The following DACH2 variants were observed in gnomAD, a reference collection of about 807,000 sequenced individuals.
The protein encoded by DACH2 is dachshund family transcription factor 2.
A neutral mutation model predicts 35.8 loss-of-function variants in DACH2; 17 were observed. The ratio of observed to expected loss-of-function variants is 0.48; its 90% CI spans 0.33 to 0.71. The LOEUF (loss-of-function observed/expected upper bound fraction) is 0.71, where lower values mean the gene tolerates loss of function less well. Among genes scored for constraint, DACH2 ranks in the 30% least tolerant of loss-of-function variants. The pLI, the probability that DACH2 is intolerant of heterozygous loss-of-function variation, is 0.02. For missense variants in DACH2, 469 were observed against 472.7 expected (o/e 0.99, Z 0.07); for synonymous variants, 195 against 177.3 (o/e 1.10, Z -0.79).
chrX:86,232,866 A>G (rs896161512), intron 1 of DACH2, among the ~76,000 whole-genome samples: 1 of 112,170 alleles, frequency 8.9e-6, no homozygotes, highest in African/African-American at 3.2e-5. Flanking sequence ...AATATAAATT[A>G]TTCGATCATA....
At chrX:86,613,665 G>A (rs1418804741) in intron 3 of DACH2, among the ~76,000 whole-genome samples, 2 of 111,006 alleles carry the variant, frequency 1.8e-5, no homozygotes, top group Non-Finnish European at 3.8e-5. Flanking sequence ...TTAATTTTGG[G>A]GTTATCTAGG....
rs184131316 is a variant in DACH2 at position 86,805,338 on chromosome X, G to A, written c.1241-7518G>A. Among the ~76,000 whole-genome samples, 394 of 112,576 alleles carry A rather than the reference G, an allele frequency of 3.5e-3. 1 individual carries two copies. The highest frequency in any genetic ancestry group is 5.6e-3 in the Non-Finnish European group (299 of 53,263). On this transcript the variant is annotated intron_variant, in intron 7 of 11. Transcript: ENST00000373125. The stretch of plus-strand genomic sequence containing the variant: ...AGGTGGAGTGCCTGGGATGCAGGGA[G>A]CAGTGTTCTGAGGCTACACAGGGCT...
chrX:86,359,049 C>A (rs2035690401), intron 1 of DACH2, among the ~76,000 whole-genome samples: 1 of 99,236 alleles, frequency 1.0e-5, no homozygotes, highest in Non-Finnish European at 2.0e-5. Flanking sequence ...AATGTGGCAT[C>A]AGAGAAAGGG....
At chrX:86,237,288 G>A (rs1400505750) in intron 1 of DACH2, among the ~76,000 whole-genome samples, 4 of 111,426 alleles carry the variant, frequency 3.6e-5, no homozygotes, top group African/African-American at 1.3e-4. Flanking sequence ...AGTAGAAGGA[G>A]TACACTCTAA....
At chrX:86,328,822 G>C (rs748884348) in intron 1 of DACH2, among the ~76,000 whole-genome samples, 20 of 111,438 alleles carry the variant, frequency 1.8e-4, no homozygotes, top group Non-Finnish European at 3.4e-4. Flanking sequence ...ACAGCAATCT[G>C]AAAAGGTTGA....
intron 2 of DACH2, among the ~76,000 whole-genome samples, chrX:86,453,830 A>T (rs184054083): frequency 5.3e-4 from 59 of 110,850 alleles, no homozygotes; most frequent in African/African-American, 1.6e-3. Context: ...TAGTATTGTT[A>T]TGTGTGAATT....
chrX:86,247,954 C>G (rs778606648), intron 1 of DACH2, among the ~76,000 whole-genome samples: 1 of 111,091 alleles, frequency 9.0e-6, no homozygotes, highest in African/African-American at 3.3e-5. Flanking sequence ...ATGGTCATCT[C>G]AATAGATGCA....
intron 2 of DACH2, among the ~76,000 whole-genome samples, chrX:86,404,938 G>A (rs938925560): frequency 4.4e-5 from 5 of 112,472 alleles, no homozygotes; most frequent in Non-Finnish European, 9.4e-5. Flanking sequence ...CCATGTGGAA[G>A]CCACCAAGGC....
chrX:86,386,291 G>T (rs1380486771), intron 2 of DACH2, among the ~76,000 whole-genome samples: 1 of 111,218 alleles, frequency 9.0e-6, no homozygotes, highest in Non-Finnish European at 1.9e-5. Context: ...GTTTTTGGGG[G>T]AAAGACCCCA....
At chrX:86,543,611 G>A (rs1290541814) in intron 3 of DACH2, among the ~76,000 whole-genome samples, 1 of 110,857 alleles carries the variant, frequency 9.0e-6, no homozygotes, top group East Asian at 2.9e-4. Flanking sequence ...GATGAAAGAT[G>A]AAATGGCCAT....
intron 2 of DACH2, among the ~76,000 whole-genome samples, chrX:86,479,235 C>A (rs2037898255): frequency 9.0e-6 from 1 of 110,963 alleles, no homozygotes; most frequent in Non-Finnish European, 1.9e-5. Flanking sequence ...CCGCTAGGGT[C>A]TTGGGGTTTT....
intron 1 of DACH2, among the ~76,000 whole-genome samples, chrX:86,368,079 A>G (rs2035832009): frequency 9.0e-6 from 1 of 111,517 alleles, no homozygotes; most frequent in African/African-American, 3.3e-5. Context: ...TTCAAGACCC[A>G]AGTCAAATTT....
chrX:86,686,679 C>A (rs1216709373), intron 4 of DACH2, among the ~76,000 whole-genome samples: 2 of 111,722 alleles, frequency 1.8e-5, no homozygotes, highest in Non-Finnish European at 3.8e-5. Flanking sequence ...GGCAAAACCC[C>A]ATTTTCTTCA....
intron 3 of DACH2, among the ~76,000 whole-genome samples, chrX:86,520,988 A>T (rs1034882921): frequency 9.9e-5 from 11 of 111,279 alleles, no homozygotes; most frequent in African/African-American, 3.6e-4. Flanking sequence ...TGGTTGCTTT[A>T]GGGTGACACT....
At chrX:86,468,472 T>C (rs1229602239) in intron 2 of DACH2, among the ~76,000 whole-genome samples, 1 of 111,507 alleles carries the variant, frequency 9.0e-6, no homozygotes, top group Non-Finnish European at 1.9e-5. Flanking sequence ...ATCCCACTTA[T>C]TTAACTACAA....
At chrX:86,793,962 CAT>C (rs974315380) in intron 7 of DACH2, among the ~76,000 whole-genome samples, 3 of 111,936 alleles carry the variant, frequency 2.7e-5, no homozygotes, top group Non-Finnish European at 3.8e-5. Flanking sequence ...AAAAGCAAGA[CAT>C]GTAAAAATCA....
At chrX:86,332,065 T>C (rs1441278002) in intron 1 of DACH2, among the ~76,000 whole-genome samples, 2 of 111,520 alleles carry the variant, frequency 1.8e-5, no homozygotes, top group Non-Finnish European at 3.8e-5. Context: ...GCCTGAACAG[T>C]ATAGTGACTG....
intron 1 of DACH2, among the ~76,000 whole-genome samples, chrX:86,277,030 A>G (rs2033928469): frequency 8.9e-6 from 1 of 111,741 alleles, no homozygotes; most frequent in Non-Finnish European, 1.9e-5. Flanking sequence ...TTGTAGTTCC[A>G]AATAAACTTT....
chrX:86,672,398 T>A (rs928707713), intron 4 of DACH2, among the ~76,000 whole-genome samples: 1 of 111,912 alleles, frequency 8.9e-6, no homozygotes, highest in African/African-American at 3.2e-5. Context: ...GAGACATTCA[T>A]GGCAGCAGCC....
Sources: gnomAD v4.1 joint callset for allele counts (sites outside exome capture counted in the v4.1 genomes callset) on GRCh38, gnomAD v4.1.1 for gene constraint, MANE v1.5 for transcripts, NCBI Gene and HGNC (gene_info 2026-07-23, HGNC 2026-07-21) for gene names.